Variants in HYCC2 observed in about 807,000 individuals in gnomAD.
HYCC2 encodes the protein hyccin 2.
chr2:201,014,278 A>C, the HYCC2 span, among the ~76,000 whole-genome samples: 1 of 151,714 alleles, frequency 6.6e-6, no homozygotes, highest in Non-Finnish European at 1.5e-5. Context: ...TAAATCAACA[A>C]ACATTTACTA....
the HYCC2 span, among the ~76,000 whole-genome samples, chr2:201,051,646 C>G: frequency 6.6e-6 from 1 of 151,986 alleles, no homozygotes; most frequent in African/African-American, 2.4e-5. Context: ...ACAATGAAAA[C>G]AAGAAAACAT....
At chr2:201,008,554 A>G in the HYCC2 span, among the ~76,000 whole-genome samples, 1 of 152,086 alleles carries the variant, frequency 6.6e-6, no homozygotes, top group African/African-American at 2.4e-5. Context: ...TGAGGCCAGG[A>G]GATCAAGACC....
the HYCC2 span, chr2:201,017,191 A>G: frequency 6.3e-7 from 1 of 1,588,300 alleles, no homozygotes; most frequent in Middle Eastern, 1.7e-4. Context: ...AATAAAGTGC[A>G]CTGGTCATTT....
chr2:200,983,309 AG>A, the HYCC2 span, among the ~76,000 whole-genome samples: 1 of 152,234 alleles, frequency 6.6e-6, no homozygotes, highest in Non-Finnish European at 1.5e-5. Flanking sequence ...TAAAAATGTT[AG>A]GAAAGAATCT....
the HYCC2 span, among the ~76,000 whole-genome samples, chr2:201,018,940 G>C: frequency 6.6e-6 from 1 of 152,184 alleles, no homozygotes; most frequent in Non-Finnish European, 1.5e-5. Flanking sequence ...CAGGTCTTCT[G>C]ACATCAAGTT....
chr2:201,057,399 T>C, the HYCC2 span, among the ~76,000 whole-genome samples: 11 of 152,204 alleles, frequency 7.2e-5, no homozygotes, highest in Admixed American at 2.6e-4. Flanking sequence ...ACTATGATAA[T>C]AGAAGCAGAG....
chr2:201,031,853 G>T, the HYCC2 span, among the ~76,000 whole-genome samples: 1 of 152,108 alleles, frequency 6.6e-6, no homozygotes, highest in Admixed American at 6.6e-5. Flanking sequence ...TTTCTGCAGA[G>T]ACTTGAAATA....
At chr2:201,010,935 A>G in the HYCC2 span, among the ~76,000 whole-genome samples, 1 of 152,026 alleles carries the variant, frequency 6.6e-6, no homozygotes, top group East Asian at 1.9e-4. Context: ...TCACAAGGTC[A>G]GGTGTTCAAG....
chr2:201,064,758 G>GA, the HYCC2 span, among the ~76,000 whole-genome samples: 2 of 151,922 alleles, frequency 1.3e-5, no homozygotes, highest in African/African-American at 4.8e-5. Context: ...TAATTCTCTG[G>GA]AAAAAAATCT....
chr2:200,981,200 GA>G, the HYCC2 span: 2 of 1,523,638 alleles, frequency 1.3e-6, no homozygotes, highest in Non-Finnish European at 1.8e-6. This position sits in a 1 kb window ranked among gnomAD's most constrained non-coding sequence, Gnocchi z 4.5. Flanking sequence ...AATGTGGGAT[GA>G]AGTGTCTTCT....
the HYCC2 span, chr2:201,021,820 G>GATATGC: frequency 6.1e-6 from 2 of 326,490 alleles, no homozygotes; most frequent in South Asian, 4.9e-5. Context: ...TGACCATATG[G>GATATGC]ATATGCATAT....
At chr2:201,045,560 A>C in the HYCC2 span, 2 of 398,182 alleles carry the variant, frequency 5.0e-6, no homozygotes, top group Non-Finnish European at 8.9e-6. Context: ...TCAAGTGGGG[A>C]ATTCATTTGT....
the HYCC2 span, among the ~76,000 whole-genome samples, chr2:201,033,149 ATGTGTGTGTATGTGTGTGTG>A: frequency 8.7e-6 from 1 of 114,756 alleles, no homozygotes; most frequent in Non-Finnish European, 1.8e-5. Flanking sequence ...AGCTATTTGT[ATGTGTGTGTATGTGTGTGTG>A]TGTGTGTGTG....
At chr2:201,042,905 T>A in the HYCC2 span, among the ~76,000 whole-genome samples, 1 of 151,790 alleles carries the variant, frequency 6.6e-6, no homozygotes, top group Admixed American at 6.6e-5. Context: ...GGAGCCCCTC[T>A]GCCCGGCCGC....
At chr2:201,002,653 G>A in the HYCC2 span, among the ~76,000 whole-genome samples, 1 of 151,942 alleles carries the variant, frequency 6.6e-6, no homozygotes, top group Non-Finnish European at 1.5e-5. Context: ...AGCCTCCCGA[G>A]TAGCTGGGAT....
chr2:201,016,595 A>G, the HYCC2 span, among the ~76,000 whole-genome samples: 1 of 149,354 alleles, frequency 6.7e-6, no homozygotes, highest in Admixed American at 6.7e-5. Context: ...TTTATTTATT[A>G]TTTTTAATTT....
chr2:200,989,739 G>A, the HYCC2 span, among the ~76,000 whole-genome samples: 1,726 of 152,198 alleles, frequency 0.011, 17 homozygotes, highest in Non-Finnish European at 0.017. Flanking sequence ...ACTTGAGCCC[G>A]GAAGGTGGAT....
the HYCC2 span, among the ~76,000 whole-genome samples, chr2:201,041,773 G>T: frequency 2.0e-5 from 3 of 152,004 alleles, no homozygotes; most frequent in Non-Finnish European, 2.9e-5. Flanking sequence ...TGTAAGACGG[G>T]TACTTAAAAA....
chr2:200,989,856 G>A, the HYCC2 span, among the ~76,000 whole-genome samples: 1 of 151,822 alleles, frequency 6.6e-6, no homozygotes, highest in Non-Finnish European at 1.5e-5. Context: ...ATAAAAAGCT[G>A]TATTCTTACA....
Sources: gnomAD v4.1 joint callset for allele counts (sites outside exome capture counted in the v4.1 genomes callset) on GRCh38, gnomAD v4.1.1 for gene constraint, Gnocchi (gnomAD v3.1) non-coding constraint, MANE v1.5 for transcripts, NCBI Gene and HGNC (gene_info 2026-07-23, HGNC 2026-07-21) for gene names.